Variants in ELMOD2 observed in about 807,000 individuals in gnomAD.
ELMOD2 encodes ELMO domain-containing protein 2.
In ELMOD2, 28 loss-of-function variants were observed where a neutral mutation model predicts 41.0. The observed-to-expected ratio is 0.68, with a 90% CI of 0.51 to 0.94. ELMOD2 has a LOEUF of 0.94. Ranked by LOEUF, ELMOD2 falls within the 40% of genes least tolerant of loss-of-function variation. ELMOD2 has a pLI of 0.00. For missense variants in ELMOD2, 333 were observed against 343.1 expected, an observed-to-expected ratio of 0.97 and a Z score of 0.23; for synonymous variants, 106 against 107.2, an observed-to-expected ratio of 0.99 and a Z score of 0.07.
rs78816631 is a variant in ELMOD2, at chr4:140,544,093, T to C, written c.736+507T>C. ...CTTTCTCTGTTCCATTCACTTTTAG[T>C]GATAATATTTGAATACTGAAGGTTT... is the stretch of plus-strand genomic sequence containing the variant. On this transcript the variant is annotated intron_variant, in intron 8 of 8. Coordinates refer to ENST00000323570, the MANE Select transcript of ELMOD2 (RefSeq NM_153702.4). Among the ~76,000 whole-genome samples, 1,312 of 152,234 alleles carry C rather than the reference T, an allele frequency of 8.6e-3. 20 individuals are homozygous for C. Among genetic ancestry groups the C allele is most frequent in the African/African-American group, 0.029 (1,225 of 41,532 alleles).
In ELMOD2 at chr4:140,527,575, G is replaced by A. The variant is rs1734611399; in HGVS notation, c.171+81G>A. On this transcript the variant is annotated intron_variant, in intron 3 of 8. Coordinates refer to ENST00000323570, the MANE Select transcript of ELMOD2 (RefSeq NM_153702.4). ...TTAAAAAAAAAAAAGTGCCCTGCTAGAAGAGTGTTTTCTATAGTGAGCATT... is the reference window on the plus strand; with the variant it reads ...TTAAAAAAAAAAAAGTGCCCTGCTAAAAGAGTGTTTTCTATAGTGAGCATT... 5 of 1,209,464 alleles carry A rather than the reference G, an allele frequency of 4.1e-6. No homozygotes were observed. In the Admixed American group the frequency reaches 7.9e-5, roughly 19 times the overall value. 74.9% of individuals were successfully genotyped at this position (1,209,464 alleles called of 1,614,324 possible).
intron 3 of ELMOD2, among the ~76,000 whole-genome samples, chr4:140,528,919 T>A (rs991345232): frequency 3.9e-5 from 6 of 152,158 alleles, no homozygotes; most frequent in Non-Finnish European, 7.4e-5. Context: ...TTCTCAAAAT[T>A]TATTTATACC....
Position 140,539,423 on chromosome 4 carries a change from G to A in ELMOD2, c.400-745G>A, listed in dbSNP as rs1220895755. 4.6e-5 allele frequency among the ~76,000 whole-genome samples: 7 copies of A among 151,182 alleles called. 1 individual carries two copies. The highest frequency in any genetic ancestry group is 1.2e-4 in the African/African-American group (5 of 41,094). ...GTCGCCCAGGCTGGAGTGCAGTGGC[G>A]CCATCTCAGCTCACTGCAAGCTCCG... is the stretch of plus-strand genomic sequence containing the variant. On this transcript the variant is annotated intron_variant, in intron 5 of 8. Coordinates refer to ENST00000323570, the MANE Select transcript of ELMOD2 (RefSeq NM_153702.4).
At chr4:140,550,079 T>A in intron 8 of ELMOD2, 151 bp from the exon 9 acceptor site, 2 of 632,472 alleles carry the variant, frequency 3.2e-6, no homozygotes, top group Non-Finnish European at 2.7e-6. Flanking sequence ...TCTTATTAAG[T>A]CCCTCAGGCT....
chr4:140,540,425 G>T (rs570957358), intron 6 of ELMOD2, 124 bp downstream of exon 6: 1 of 1,277,378 alleles, frequency 7.8e-7, no homozygotes, highest in African/African-American at 1.5e-5. Context: ...TAACTGCAGT[G>T]CTGGAAGTAT....
chr4:140,527,551 TA>T (rs752751672), intron 3 of ELMOD2, 57 bp downstream of exon 3: 50,552 of 1,077,806 alleles, frequency 0.047, 1 homozygote, highest in South Asian at 0.069. Flanking sequence ...TATTTTTTCT[TA>T]AAAAAAAAAA....
intron 8 of ELMOD2, among the ~76,000 whole-genome samples, chr4:140,545,943 C>G (rs887832080): frequency 1.3e-5 from 2 of 152,088 alleles, no homozygotes; most frequent in Non-Finnish European, 2.9e-5. Context: ...CCTCAGGGAT[C>G]TAGAACTAGA....
chr4:140,527,329 T>G (rs1389124486), intron 2 of ELMOD2, 137 bp from the exon 3 acceptor site: 45 of 739,546 alleles, frequency 6.1e-5, no homozygotes, highest in Non-Finnish European at 2.3e-6. Context: ...TTAAAATGCT[T>G]CCTGTTATAT....
intron 5 of ELMOD2, among the ~76,000 whole-genome samples, chr4:140,538,958 A>G (rs548892199): frequency 6.6e-6 from 1 of 152,318 alleles, no homozygotes; most frequent in South Asian, 2.1e-4. Flanking sequence ...AGGCCTTATC[A>G]TTGGCATAAT....
At chr4:140,526,296 G>C (rs1174574682) in intron 2 of ELMOD2, among the ~76,000 whole-genome samples, 1 of 152,116 alleles carries the variant, frequency 6.6e-6, no homozygotes, top group Non-Finnish European at 1.5e-5. Context: ...TACACAAATG[G>C]GTCACATTTT....
chr4:140,549,361 G>T (rs1456510513), intron 8 of ELMOD2, among the ~76,000 whole-genome samples: 2 of 151,780 alleles, frequency 1.3e-5, no homozygotes, highest in Non-Finnish European at 2.9e-5. Flanking sequence ...ACATATATGT[G>T]TGTGTGTGTG....
intron 3 of ELMOD2, among the ~76,000 whole-genome samples, chr4:140,530,721 A>G (rs1395333768): frequency 6.6e-6 from 1 of 152,192 alleles, no homozygotes; most frequent in Non-Finnish European, 1.5e-5. Flanking sequence ...ATCTAAGACA[A>G]ACTTTCCAAT....
intron 2 of ELMOD2, 119 bp from the exon 3 acceptor site, chr4:140,527,347 A>G (rs540211559): frequency 1.2e-5 from 10 of 801,070 alleles, no homozygotes; most frequent in Admixed American, 7.8e-5. Context: ...TATAGAAATT[A>G]TATCTCCTGG....
chr4:140,547,299 T>A (rs768591894), intron 8 of ELMOD2, among the ~76,000 whole-genome samples: 1 of 152,182 alleles, frequency 6.6e-6, no homozygotes, highest in Non-Finnish European at 1.5e-5. Context: ...TTTTAATGCG[T>A]CCTGTGTAGG....
At chr4:140,537,775 A>G (rs547701130) in intron 5 of ELMOD2, among the ~76,000 whole-genome samples, 5 of 150,554 alleles carry the variant, frequency 3.3e-5, no homozygotes, top group Non-Finnish European at 5.9e-5. Flanking sequence ...ATATATTTAT[A>G]TGAATAAATA....
intron 2 of ELMOD2, chr4:140,526,800 A>G (rs1185188118): frequency 3.3e-5 from 5 of 152,246 alleles, no homozygotes; most frequent in Admixed American, 6.5e-5. Flanking sequence ...TTCAGGCAGT[A>G]TGGGTTGGTG....
At position 140,537,441 on chromosome 4, in the gene ELMOD2, T is replaced by A; in HGVS notation, c.299T>A (p.Leu100Gln). ...SFKICMKMCL[L>Q]QITGYKQLYL... The stretch of plus-strand genomic sequence containing the variant: ...AAAATATGCATGAAGATGTGCTTAC[T>A]GCAGATAACTGGTTATAAACAGCTG... Residue 100 changes from leucine (L) to glutamine (Q), a missense_variant, in exon 5 of 9, where the codon CTG becomes CAG. Physicochemically the swap from Leu to Gln is moderately radical, Grantham distance 113. Coordinates refer to ENST00000323570, the MANE Select transcript of ELMOD2 (RefSeq NM_153702.4). 3 of 1,555,044 alleles carry A rather than the reference T, an allele frequency of 1.9e-6. No homozygotes were observed. Among genetic ancestry groups the A allele is most frequent in the Non-Finnish European group, 2.6e-6 (3 of 1,157,634 alleles).
intron 5 of ELMOD2, 22 bp downstream of exon 5, chr4:140,537,563 G>T (rs748000172): frequency 6.3e-7 from 1 of 1,597,420 alleles, no homozygotes; most frequent in Non-Finnish European, 8.5e-7. Flanking sequence ...TTTTCTTTAT[G>T]TGGAGTTGTT....
intron 8 of ELMOD2, among the ~76,000 whole-genome samples, 162 bp from the exon 9 acceptor site, chr4:140,550,068 G>A (rs1735422240): frequency 6.6e-6 from 1 of 152,058 alleles, no homozygotes; most frequent in Non-Finnish European, 1.5e-5. Flanking sequence ...CGTTTATTAA[G>A]TCTTATTAAG....
Sources: allele counts gnomAD v4.1 joint callset (sites outside exome capture counted in the v4.1 genomes callset), GRCh38; gene constraint gnomAD v4.1.1; transcripts MANE v1.5; gene names NCBI Gene and HGNC (gene_info 2026-07-23, HGNC 2026-07-21).